AFF2: variants seen among roughly 807,000 people sequenced by gnomAD.
AFF2 encodes the protein AF4/FMR2 family member 2.
AFF2 carries 14 observed loss-of-function variants against 76.9 expected under a neutral mutation model. The ratio of observed to expected loss-of-function variants is 0.18; its 90% CI spans 0.12 to 0.28. The LOEUF is 0.28. Among genes scored for constraint, AFF2 ranks in the 10% least tolerant of loss-of-function variants. The pLI is 1.00. For missense variants in AFF2, 868 were observed against 1,001.1 expected (o/e 0.87, Z 1.79); for synonymous variants, 398 against 366.7 (o/e 1.09, Z -0.98).
chrX:148,657,194 T>A (rs1389111679), intron 2 of AFF2, among the ~76,000 whole-genome samples: 1 of 111,949 alleles, frequency 8.9e-6, no homozygotes, highest in Non-Finnish European at 1.9e-5. Flanking sequence ...CTCTGCTGAC[T>A]CACATGGTTG....
intron 1 of AFF2, among the ~76,000 whole-genome samples, chrX:148,638,795 A>G (rs1257765436): frequency 9.0e-6 from 1 of 111,466 alleles, no homozygotes; most frequent in African/African-American, 3.3e-5. Context: ...GCCATGAGGG[A>G]TCTGCCCCCG....
chrX:148,636,091 T>C (rs17318101), intron 1 of AFF2, among the ~76,000 whole-genome samples: 19,112 of 110,424 alleles, frequency 0.17, 1,246 homozygotes, highest in Non-Finnish European at 0.2. Context: ...TCCATTAACT[T>C]AGGGACACAC....
rs193922937 is a variant in AFF2 at position 148,500,637 on chromosome X, TGCCGCCGCCGCC to T, written c.-425_-414del. 6.0e-3 allele frequency: 442 copies of T among 73,738 alleles called. 6 individuals carry two copies. Among genetic ancestry groups the T allele is most frequent in the East Asian group, 0.036 (72 of 1,991 alleles). 6.1% of individuals were successfully genotyped at this position (73,738 alleles called of 1,213,427 possible). A position where few individuals can be genotyped will look rare whatever the true frequency, so the allele number is the denominator to read the frequency against. ...CCGCCGCCGCCGCCTGTGCAGCCGCTGCCGCCGCCGCCGCCGCCGCCGCCGCCGCCGCCGCCG... is the reference window on the plus strand; with the variant it reads ...CCGCCGCCGCCGCCTGTGCAGCCGCTGCCGCCGCCGCCGCCGCCGCCGCCG... On this transcript the variant is annotated 5_prime_UTR_variant, in exon 1 of 21. Transcript: ENST00000370460.
intron 3 of AFF2, among the ~76,000 whole-genome samples, chrX:148,797,579 AT>A (rs1248038230): frequency 2.7e-5 from 3 of 111,795 alleles, no homozygotes; most frequent in Non-Finnish European, 5.6e-5. Context: ...CTCTATCTGA[AT>A]TTTTTCTCTT....
chrX:148,779,574 AT>A (rs57505798), intron 3 of AFF2, among the ~76,000 whole-genome samples: 1 of 109,387 alleles, frequency 9.1e-6, no homozygotes, highest in East Asian at 2.9e-4. Flanking sequence ...TTCTTGTTGC[AT>A]TTTTTTTGCT....
chrX:148,928,571 A>T (rs1023491351), intron 9 of AFF2, among the ~76,000 whole-genome samples: 1 of 112,725 alleles, frequency 8.9e-6, no homozygotes, highest in Non-Finnish European at 1.9e-5. Flanking sequence ...TACACATTTC[A>T]AAATGGTTTT....
intron 1 of AFF2, among the ~76,000 whole-genome samples, chrX:148,588,823 T>C (rs1249707500): frequency 8.9e-6 from 1 of 111,777 alleles, no homozygotes; most frequent in East Asian, 2.8e-4. Flanking sequence ...CTGGTGTTTC[T>C]ATTGTGAGTC....
chrX:148,549,784 T>C (rs146360612), intron 1 of AFF2, among the ~76,000 whole-genome samples: 52 of 112,257 alleles, frequency 4.6e-4, no homozygotes, highest in Non-Finnish European at 8.8e-4. Context: ...CTCTTTGCTC[T>C]TCTTTCCCCC....
At chrX:148,979,910 G>A in intron 18 of AFF2, among the ~76,000 whole-genome samples, 1 of 112,179 alleles carries the variant, frequency 8.9e-6, no homozygotes, top group Non-Finnish European at 1.9e-5. Context: ...GCAGCAAAGA[G>A]GCAGAAGATG....
chrX:148,783,876 C>T (rs371412210), intron 3 of AFF2, among the ~76,000 whole-genome samples: 28 of 111,501 alleles, frequency 2.5e-4, no homozygotes, highest in African/African-American at 8.5e-4. Flanking sequence ...ACAGGTGAAC[C>T]AAGCATCAGA....
intron 3 of AFF2, among the ~76,000 whole-genome samples, chrX:148,799,596 G>A (rs1317437569): frequency 8.9e-6 from 1 of 112,158 alleles, no homozygotes; most frequent in Admixed American, 9.4e-5. Flanking sequence ...TTTCACAGCA[G>A]GCAAATTAAT....
intron 1 of AFF2, chrX:148,547,346 G>A (rs2052933801): frequency 9.0e-6 from 1 of 111,553 alleles, no homozygotes; most frequent in Non-Finnish European, 1.9e-5. Context: ...GAAGAGATGA[G>A]AAAGGACAAT....
chrX:148,781,773 G>A (rs1468894458), intron 3 of AFF2, among the ~76,000 whole-genome samples: 1 of 111,557 alleles, frequency 9.0e-6, no homozygotes, highest in Non-Finnish European at 1.9e-5. Flanking sequence ...CAGCTAGCTC[G>A]GTGTCTGCCC....
chrX:148,826,331 T>C (rs1374300733), intron 4 of AFF2, among the ~76,000 whole-genome samples: 2 of 109,804 alleles, frequency 1.8e-5, no homozygotes, highest in East Asian at 5.8e-4. Flanking sequence ...AATGGGAAAC[T>C]ATCAATAAAA....
At chrX:148,982,838 A>G (rs1013148428) in intron 19 of AFF2, among the ~76,000 whole-genome samples, 5 of 112,102 alleles carry the variant, frequency 4.5e-5, no homozygotes, top group East Asian at 5.6e-4. Context: ...ACCAGACACT[A>G]TATATTTTGG....
intron 1 of AFF2, among the ~76,000 whole-genome samples, chrX:148,545,505 C>G (rs561618490): frequency 9.0e-6 from 1 of 111,330 alleles, no homozygotes; most frequent in East Asian, 2.8e-4. Flanking sequence ...AAGCTGGATG[C>G]CTTTTGTATC....
At chrX:148,968,240 C>T (rs140559870) in intron 15 of AFF2, among the ~76,000 whole-genome samples, 3,522 of 111,514 alleles carry the variant, frequency 0.032, 70 homozygotes, top group Non-Finnish European at 0.052. Flanking sequence ...ATACTTTGCC[C>T]AGCTGCCTCC....
chrX:148,585,976 G>C (rs2053465289), intron 1 of AFF2, among the ~76,000 whole-genome samples: 1 of 111,692 alleles, frequency 9.0e-6, no homozygotes, highest in Admixed American at 9.5e-5. Context: ...GGAAGGAGCA[G>C]TATAGTAGTT....
chrX:148,834,201 A>G (rs2070491341), intron 4 of AFF2, among the ~76,000 whole-genome samples: 2 of 112,541 alleles, frequency 1.8e-5, no homozygotes, highest in Admixed American at 1.9e-4. Flanking sequence ...TTCTTTGCCA[A>G]ATACTAAAAG....
Sources: allele counts gnomAD v4.1 joint callset (sites outside exome capture counted in the v4.1 genomes callset), GRCh38; gene constraint gnomAD v4.1.1; transcripts MANE v1.5; gene names NCBI Gene and HGNC (gene_info 2026-07-23, HGNC 2026-07-21).